ZNF518A: variants seen among roughly 807,000 people sequenced by gnomAD.
ZNF518A encodes zinc finger protein 518A.
ZNF518A carries 47 observed loss-of-function variants against 102.7 expected under a neutral mutation model. That is an observed-to-expected ratio of 0.46 (90% CI 0.36 to 0.58). The LOEUF (loss-of-function observed/expected upper bound fraction) is 0.58. ZNF518A is among the 20% of genes least tolerant of loss of function. ZNF518A has a pLI of 0.00. For missense variants in ZNF518A, 1,793 were observed against 1,699.8 expected (o/e 1.05, Z -0.96); for synonymous variants, 652 against 594.6 (o/e 1.10, Z -1.40).
intron 1 of ZNF518A, among the ~76,000 whole-genome samples, chr10:96,180,035 C>T (rs978687043): frequency 1.3e-4 from 19 of 151,958 alleles, no homozygotes; most frequent in Non-Finnish European, 1.5e-4. Flanking sequence ...ACTGCCATCA[C>T]GCCTGGCTGA....
At chr10:96,142,352 G>GTGTGTGTT (rs1554876887) in intron 3 of ZNF518A, among the ~76,000 whole-genome samples, 182 of 127,598 alleles carry the variant, frequency 1.4e-3, no homozygotes, top group South Asian at 3.2e-3. Flanking sequence ...GTGTGTGTGT[G>GTGTGTGTT]TGTTTCTAGA....
intron 1 of ZNF518A, among the ~76,000 whole-genome samples, chr10:96,182,627 T>C (rs1392687972): frequency 2.0e-5 from 3 of 152,226 alleles, no homozygotes; most frequent in Non-Finnish European, 2.9e-5. Context: ...ATGGATTATG[T>C]TTGCTGATTT....
intron 1 of ZNF518A, among the ~76,000 whole-genome samples, chr10:96,191,159 C>A (rs1269603510): frequency 6.6e-6 from 1 of 151,666 alleles, no homozygotes; most frequent in South Asian, 2.1e-4. Context: ...GTAAAACATG[C>A]CTTTGCTTCT....
At chr10:96,202,959 C>A (rs587601778) in intron 1 of ZNF518A, among the ~76,000 whole-genome samples, 2 of 152,338 alleles carry the variant, frequency 1.3e-5, no homozygotes, top group East Asian at 3.9e-4. Flanking sequence ...CCCTCCCTGC[C>A]TCCGTTACTC....
downstream of ZNF518A, among the ~76,000 whole-genome samples, chr10:96,164,625 C>A (rs1376581396): frequency 6.6e-6 from 1 of 152,134 alleles, no homozygotes; most frequent in African/African-American, 2.4e-5. Context: ...TTTAACAAAG[C>A]TTCTGTTAAT....
At chr10:96,155,418 T>A (rs1554881847) in intron 4 of ZNF518A, 42 bp downstream of exon 4, 1 of 152,178 alleles carries the variant, frequency 6.6e-6, no homozygotes, top group Non-Finnish European at 1.5e-5. Context: ...GATGGGTATG[T>A]TCTAATCTGC....
chr10:96,194,768 A>T (rs587734042), intron 1 of ZNF518A, among the ~76,000 whole-genome samples: 6 of 110,280 alleles, frequency 5.4e-5, no homozygotes, highest in African/African-American at 1.6e-4. Context: ...AGAAATGCAA[A>T]TTTTTTTTTT....
intron 1 of ZNF518A, among the ~76,000 whole-genome samples, chr10:96,187,950 A>C (rs1196142030): frequency 6.6e-6 from 1 of 152,212 alleles, no homozygotes; most frequent in African/African-American, 2.4e-5. Context: ...GGTTCAAGTG[A>C]TTCTCATGCC....
chr10:96,140,186 C>T (rs2081846296), intron 3 of ZNF518A, among the ~76,000 whole-genome samples: 1 of 152,054 alleles, frequency 6.6e-6, no homozygotes, highest in South Asian at 2.1e-4. Context: ...TGGAATTGAC[C>T]AGGCTTGCTT....
chr10:96,145,328 C>T (rs2133421082), intron 3 of ZNF518A, among the ~76,000 whole-genome samples: 1 of 152,310 alleles, frequency 6.6e-6, no homozygotes, highest in South Asian at 2.1e-4. Context: ...CCTTGGCCTC[C>T]CAAAGTGTTG....
At chr10:96,142,714 CT>C (rs1260398337) in intron 3 of ZNF518A, among the ~76,000 whole-genome samples, 5 of 151,742 alleles carry the variant, frequency 3.3e-5, no homozygotes, top group African/African-American at 1.2e-4. Context: ...GGAATGTTGC[CT>C]TTTGATGAAC....
intron 1 of ZNF518A, chr10:96,189,695 CAAA>C (rs2083298530): frequency 7.4e-6 from 5 of 672,848 alleles, no homozygotes; most frequent in South Asian, 1.4e-5. Flanking sequence ...TCCTCATCAT[CAAA>C]ATCATCATCA....
chr10:96,139,251 A>T (rs1020915777), intron 3 of ZNF518A, among the ~76,000 whole-genome samples: 1 of 152,072 alleles, frequency 6.6e-6, no homozygotes, highest in Non-Finnish European at 1.5e-5. Flanking sequence ...TTGTAAAGAG[A>T]TTAAATTTTA....
At position 96,189,401 on chromosome 10, in the gene ZNF518A, C is replaced by T. The variant is rs1273471773; in HGVS notation, n.36-14173C>T. 9 of 591,376 alleles carry T rather than the reference C, an allele frequency of 1.5e-5. No homozygotes were observed. In the East Asian group the frequency reaches 3.2e-4, roughly 21 times the overall value. The allele number at this position is 591,376 out of a possible 1,614,324, so 36.6% of individuals were successfully genotyped here. ...CACTGCCAGGATCTTGAATAGTCTCCTGGTCAGTTGTCCGGAAGCAATTCT... is the reference window on the plus strand; with the variant it reads ...CACTGCCAGGATCTTGAATAGTCTCTTGGTCAGTTGTCCGGAAGCAATTCT... On this transcript the variant is annotated intron_variant and non_coding_transcript_variant, in intron 1 of 2. Coordinates refer to the ZNF518A transcript ENST00000442635.
chr10:96,164,276 ACTTC>A (rs1238245812), downstream of ZNF518A, among the ~76,000 whole-genome samples: 2 of 152,214 alleles, frequency 1.3e-5, no homozygotes, highest in Non-Finnish European at 2.9e-5. Context: ...ATTGACATCT[ACTTC>A]CTTCCTTAAC....
chr10:96,147,679 T>C (rs1373796853), intron 3 of ZNF518A, among the ~76,000 whole-genome samples: 1 of 152,226 alleles, frequency 6.6e-6, no homozygotes, highest in African/African-American at 2.4e-5. Flanking sequence ...CTGAGAAATC[T>C]AAAGTCATTT....
chr10:96,157,650 C>T lies in ZNF518A; in HGVS notation c.1328C>T (p.Thr443Met), dbSNP rs782501732. Residue 443 changes from threonine (T) to methionine (M), a missense_variant, in exon 6 of 6, where the codon ACG (threonine) becomes ATG (methionine). Thr to Met is a moderately conservative substitution (Grantham distance 81, BLOSUM62 -1). Transcript: ENST00000316045. Reference protein sequence around the residue: ...KLAVSPNYNATFMGFKMMDGK... With the variant: ...KLAVSPNYNAMFMGFKMMDGK... ...GCAGTTTCCCCTAACTATAATGCTA[C>T]GTTTATGGGCTTCAAGATGATGGAT... 2.6e-5 allele frequency: 42 copies of T among 1,613,660 alleles called. No homozygotes were observed. The highest frequency in any genetic ancestry group is 5.3e-5 in the African/African-American group (4 of 74,878).
At chr10:96,175,882 CCTTCCTTCCTT>C (rs1564801779) in intron 1 of ZNF518A, among the ~76,000 whole-genome samples, 26,163 of 102,700 alleles carry the variant, frequency 0.25, 5,068 homozygotes, top group Non-Finnish European at 0.32. Context: ...TCCCTCCCTT[CCTTCCTTCCTT>C]CCTTCCTTCC....
rs1554882996 is a variant in ZNF518A, at chr10:96,157,086, T to C, written c.764T>C (p.Ile255Thr). The C allele has an allele frequency of 1.9e-6, 3 of 1,613,796 alleles. No homozygotes were observed. The highest frequency in any genetic ancestry group is 3.3e-5 in the Admixed American group (2 of 60,004). The change falls in exon 6 of 6, where the codon ATT becomes ACT. Residue 255 changes from isoleucine to threonine, a missense_variant. Coordinates refer to ENST00000316045, the MANE Select transcript of ZNF518A (RefSeq NM_001330736.2). ...TKGELQKHLH[I>T]HSGTFPFTCQ... ...GGAGAGCTTCAGAAGCACCTTCATA[T>C]TCATTCTGGTACTTTTCCCTTCACT...
Sources: gnomAD v4.1 joint callset for allele counts (sites outside exome capture counted in the v4.1 genomes callset) on GRCh38, gnomAD v4.1.1 for gene constraint, MANE v1.5 for transcripts, NCBI Gene and HGNC (gene_info 2026-07-23, HGNC 2026-07-21) for gene names.